ORC1: variants seen among roughly 807,000 people sequenced by gnomAD.
ORC1 encodes the protein origin recognition complex subunit 1.
ORC1 carries 61 observed loss-of-function variants against 98.9 expected under a neutral mutation model. That is an observed-to-expected ratio of 0.62 (90% CI 0.50 to 0.76). ORC1 has a LOEUF of 0.76. Among genes scored for constraint, ORC1 ranks in the 30% least tolerant of loss-of-function variants. The pLI is 0.00. For missense variants in ORC1, 979 were observed against 1,072.2 expected (o/e 0.91, Z 1.21); for synonymous variants, 385 against 406.9 (o/e 0.95, Z 0.65).
Position 52,373,083 on chromosome 1 carries a change from G to C in ORC1, c.*98C>G. 2.4e-6 allele frequency: 3 copies of C among 1,251,644 alleles called. No homozygotes were observed. The highest frequency in any genetic ancestry group is 3.5e-6 in the Non-Finnish European group (3 of 853,766). The allele number at this position is 1,251,644 out of a possible 1,614,324, so 77.5% of individuals were successfully genotyped here. A position where few individuals can be genotyped will look rare whatever the true frequency, so the allele number is the denominator to read the frequency against. ...AGAAGTCAAGGCTGCAGTGAGCCAT[G>C]ATCGTGCCACTGCACTCCAGCCTGG... On this transcript the variant is annotated 3_prime_UTR_variant, in exon 17 of 17. Transcript: ENST00000371568.
chr1:52,397,807 C>T lies in ORC1; in HGVS notation c.280G>A (p.Glu94Lys). ...AAATGCCGTTTACAGGCAGGGACTT[C>T]ACAGAATCGGACAAACCACTGTACT... ...ARVQWFVRFC[E>K]VPACKRHLLG... The change falls in exon 4 of 17, where the codon GAA (glutamate) becomes AAA (lysine). Residue 94 changes from glutamate to lysine, a missense_variant. Glu to Lys is a moderately conservative substitution (Grantham distance 56). Transcript: ENST00000371568. 6.2e-7 allele frequency: 1 copy of T among 1,614,204 alleles called. No homozygotes were observed. Among genetic ancestry groups the T allele is most frequent in the South Asian group, 1.1e-5 (1 of 91,082 alleles).
Position 52,393,356 on chromosome 1 carries a change from A to G in ORC1, c.1082+87T>C, listed in dbSNP as rs1185845496. ...CTTCTGTGACATAGGTTTTTCAACT[A>G]CTGTTCTAACTTTTTTGACTATGAC... On this transcript the variant is annotated intron_variant, in intron 6 of 16. Transcript: ENST00000371568. 6.4e-6 allele frequency: 10 copies of G among 1,569,164 alleles called. No homozygotes were observed. In the Admixed American group the frequency reaches 1.5e-4, roughly 24 times the overall value.
Position 52,375,495 on chromosome 1 carries a change from G to T in ORC1, c.2238C>A (p.Val746=). 6.2e-7 allele frequency: 1 copy of T among 1,614,158 alleles called. No homozygotes were observed. The highest frequency in any genetic ancestry group is 8.5e-7 in the Non-Finnish European group (1 of 1,180,022). Residue 746 remains valine (V), a synonymous_variant, in exon 15 of 17, where the codon GTC becomes GTA. Coordinates refer to ENST00000371568, the MANE Select transcript of ORC1 (RefSeq NM_004153.4). ...SQQKPDSPGL[V]TIAHSMEAVD... is the part of the protein sequence containing the mutation. Reference sequence around the variant, plus strand: ...CAGCTTCCATTGAGTGGGCTATGGTGACCAGGCCAGGGGAGTCAGGCTTCT... The same window carrying T: ...CAGCTTCCATTGAGTGGGCTATGGTTACCAGGCCAGGGGAGTCAGGCTTCT...
rs146844078 is a variant in ORC1 at position 52,374,819 on chromosome 1, C to T, written c.2382G>A (p.Thr794=). The change falls in exon 16 of 17, where the codon ACG becomes ACA. Residue 794 remains threonine (T), a synonymous_variant. Coordinates refer to ENST00000371568, the MANE Select transcript of ORC1 (RefSeq NM_004153.4). ...AAGAGGAGGAGATCACCTGTTGAAA[C>T]GTGGCTTCCTCCAGTCCTGATCGAC... ...EFRRSGLEEA[T]FQQIYSQHVA... 2.1e-4 allele frequency: 340 copies of T among 1,610,554 alleles called. No individual in the cohort carries two copies. Among genetic ancestry groups the T allele is most frequent in the South Asian group, 6.3e-4 (57 of 91,020 alleles).
At chr1:52,407,149 C>G (rs934076607), upstream of ORC1, among the ~76,000 whole-genome samples, 1 of 150,956 alleles carries the variant, frequency 6.6e-6, no homozygotes, top group African/African-American at 2.4e-5. Context: ...TCCCAAGTAG[C>G]TGGGACTACA....
At chr1:52,395,694 T>C (rs1314574987) in intron 5 of ORC1, among the ~76,000 whole-genome samples, 1 of 152,202 alleles carries the variant, frequency 6.6e-6, no homozygotes, top group African/African-American at 2.4e-5. Context: ...TACACACTTG[T>C]AGTCCCAGCT....
intron 15 of ORC1, 54 bp downstream of exon 15, chr1:52,375,376 G>A: frequency 6.5e-7 from 1 of 1,537,934 alleles, no homozygotes; most frequent in East Asian, 2.2e-5. Context: ...AGCTTAGAAA[G>A]GGAAACATGT....
intron 10 of ORC1, 65 bp downstream of exon 10, chr1:52,385,096 C>T (rs1399389504): frequency 5.9e-6 from 6 of 1,008,826 alleles, no homozygotes; most frequent in Admixed American, 3.4e-5. Flanking sequence ...AACTGTAACA[C>T]CCAAGGCATT....
intron 4 of ORC1, among the ~76,000 whole-genome samples, chr1:52,397,113 A>G (rs948339423): frequency 6.6e-6 from 1 of 152,174 alleles, no homozygotes; most frequent in African/African-American, 2.4e-5. Context: ...ATCATGCCAG[A>G]CGAGAGTCTC....
chr1:52,386,623 C>A (rs1171527272), intron 8 of ORC1, among the ~76,000 whole-genome samples: 1 of 152,198 alleles, frequency 6.6e-6, no homozygotes, highest in Non-Finnish European at 1.5e-5. Context: ...AGAGAGAGAA[C>A]AATCTCTCCA....
chr1:52,404,983 C>A, upstream of ORC1: 1 of 1,364,000 alleles, frequency 7.3e-7, no homozygotes. Context: ...GGTACTGGAA[C>A]GGAGTATGTC....
intron 3 of ORC1, among the ~76,000 whole-genome samples, chr1:52,399,148 C>G (rs963200948): frequency 2.6e-5 from 4 of 152,126 alleles, no homozygotes; most frequent in African/African-American, 9.7e-5. Flanking sequence ...AAATCAGTGA[C>G]TATAAAGACA....
In ORC1 at chr1:52,385,832, G is replaced by A. The variant is rs760271904; in HGVS notation, c.1481+20C>T. 1.3e-6 allele frequency: 2 copies of A among 1,566,842 alleles called. No homozygotes were observed. Among genetic ancestry groups the A allele is most frequent in the South Asian group, 1.1e-5 (1 of 90,108 alleles). On this transcript the variant is annotated intron_variant, in intron 9 of 16. Transcript: ENST00000371568. ...CCCATGGTTCCTGCCTCTCTGAAGGGGAATCAACAGCAGCAGTACCTCAGT... is the reference window on the plus strand; with the variant it reads ...CCCATGGTTCCTGCCTCTCTGAAGGAGAATCAACAGCAGCAGTACCTCAGT...
intron 6 of ORC1, among the ~76,000 whole-genome samples, chr1:52,391,805 G>A (rs938773992): frequency 1.3e-5 from 2 of 151,726 alleles, no homozygotes; most frequent in Admixed American, 6.6e-5. Context: ...GGTTGAGGCA[G>A]GAGAATTGCT....
chr1:52,385,812 G>C (rs1469423520), intron 9 of ORC1, 40 bp downstream of exon 9: 1 of 1,366,748 alleles, frequency 7.3e-7, no homozygotes, highest in Non-Finnish European at 1.0e-6. Context: ...GAGGCCCCAT[G>C]GTTCCTGCCT....
intron 14 of ORC1, among the ~76,000 whole-genome samples, chr1:52,379,781 A>C (rs555494176): frequency 6.6e-6 from 1 of 151,972 alleles, no homozygotes; most frequent in East Asian, 2.0e-4. Context: ...AAAAATACAA[A>C]AATTAGCTGG....
chr1:52,384,775 T>C, intron 10 of ORC1, 54 bp from the exon 11 acceptor site: 1 of 1,451,058 alleles, frequency 6.9e-7, no homozygotes, highest in Non-Finnish European at 9.5e-7. Context: ...CACTACACGT[T>C]ATAATCAGTT....
intron 8 of ORC1, among the ~76,000 whole-genome samples, chr1:52,387,468 T>C (rs945668983): frequency 3.3e-5 from 5 of 152,010 alleles, no homozygotes; most frequent in African/African-American, 1.2e-4. Flanking sequence ...AGACTTTTCT[T>C]TTTTCTTGAG....
At chr1:52,380,695 A>C (rs973501679) in intron 14 of ORC1, among the ~76,000 whole-genome samples, 23 of 142,048 alleles carry the variant, frequency 1.6e-4, no homozygotes, top group Admixed American at 1.1e-3. Flanking sequence ...ATGCTGTTTC[A>C]AAAAAAAAAA....
Sources: gnomAD v4.1 joint callset for allele counts (sites outside exome capture counted in the v4.1 genomes callset) on GRCh38, gnomAD v4.1.1 for gene constraint, MANE v1.5 for transcripts, NCBI Gene and HGNC (gene_info 2026-07-23, HGNC 2026-07-21) for gene names.